The following NHSL2 variants were observed in gnomAD, a reference collection of about 807,000 sequenced individuals.
NHSL2 encodes NHS like 2, also known as NHS-like protein 2.
Under a neutral mutation model 53.4 loss-of-function variants are expected in NHSL2, and 27 were observed. The observed-to-expected ratio is 0.51, with a 90% CI of 0.37 to 0.70. The LOEUF (loss-of-function observed/expected upper bound fraction) is 0.70. NHSL2 is among the 30% of genes least tolerant of loss of function. The probability of loss-of-function intolerance (pLI) is 0.00; values close to 1 mark genes in which losing one functional copy is unlikely to be tolerated. For missense variants in NHSL2, 892 were observed against 980.1 expected (o/e 0.91, Z 1.20); for synonymous variants, 408 against 404.1 (o/e 1.01, Z -0.12).
chrX:72,139,634 G>A lies in NHSL2; in HGVS notation c.2086G>A (p.Ala696Thr). The change falls in exon 6 of 8, where the codon GCC becomes ACC. Residue 696 changes from alanine (A) to threonine (T), a missense_variant. Transcript: ENST00000633930. ...TPSQLSIEVE[A>T]REISSPGRPP... ...TTCCCAACTCTCCATTGAAGTGGAG[G>A]CCAGGGAGATATCATCCCCGGGAAG... 9.1e-6 allele frequency: 11 copies of A among 1,210,473 alleles called. No individual in the cohort carries two copies. The highest frequency in any genetic ancestry group is 1.1e-5 in the Non-Finnish European group (10 of 894,659).
chrX:71,947,794 A>G (rs2041800015), intron 1 of NHSL2, among the ~76,000 whole-genome samples: 1 of 112,211 alleles, frequency 8.9e-6, no homozygotes, highest in Non-Finnish European at 1.9e-5. Flanking sequence ...TAACTCAGGA[A>G]TGGAAAGCCA....
chrX:71,980,670 T>A (rs190986733), intron 1 of NHSL2, among the ~76,000 whole-genome samples: 1 of 110,094 alleles, frequency 9.1e-6, no homozygotes, highest in African/African-American at 3.3e-5. Context: ...TGAAGCCTAC[T>A]TGCAATCCAG....
intron 1 of NHSL2, chrX:72,130,574 G>A (rs756761561): frequency 2.5e-6 from 3 of 1,211,063 alleles, no homozygotes; most frequent in Admixed American, 4.4e-5. Context: ...ATGATATTTC[G>A]AACTCCAGGG....
At chrX:71,951,756 A>G (rs1276061505) in intron 1 of NHSL2, among the ~76,000 whole-genome samples, 1 of 112,134 alleles carries the variant, frequency 8.9e-6, no homozygotes, top group East Asian at 2.8e-4. Context: ...TTACTTAAAG[A>G]ATGCTTTGTT....
intron 1 of NHSL2, among the ~76,000 whole-genome samples, chrX:72,107,205 C>G (rs986380554): frequency 2.7e-5 from 3 of 110,389 alleles, no homozygotes; most frequent in Non-Finnish European, 5.7e-5. Flanking sequence ...GGGTGGATCA[C>G]GAGGTCAGGA....
At chrX:71,976,470 C>T in intron 1 of NHSL2, among the ~76,000 whole-genome samples, 1 of 111,968 alleles carries the variant, frequency 8.9e-6, no homozygotes, top group East Asian at 2.8e-4. Flanking sequence ...GCAAAGACCT[C>T]CAAAGGCTCC....
At chrX:72,052,287 C>T (rs1272529684) in intron 1 of NHSL2, among the ~76,000 whole-genome samples, 2 of 112,400 alleles carry the variant, frequency 1.8e-5, no homozygotes, top group Admixed American at 1.9e-4. Flanking sequence ...CGAGGCACAC[C>T]TGTCTGACTG....
intron 1 of NHSL2, among the ~76,000 whole-genome samples, chrX:72,093,728 TTCTTTC>T (rs2041918730): frequency 1.2e-5 from 1 of 80,815 alleles, no homozygotes; most frequent in Admixed American, 1.3e-4. Context: ...CTTGCTTTCT[TTCTTTC>T]TTTCTTTCTT....
At chrX:72,096,386 G>T (rs1014371103) in intron 1 of NHSL2, among the ~76,000 whole-genome samples, 4 of 111,982 alleles carry the variant, frequency 3.6e-5, no homozygotes, top group Non-Finnish European at 7.5e-5. Context: ...CCAATCCCAA[G>T]GCTGGTGAGG....
intron 1 of NHSL2, among the ~76,000 whole-genome samples, chrX:72,057,936 A>G (rs1236928251): frequency 8.9e-6 from 1 of 112,596 alleles, no homozygotes; most frequent in East Asian, 2.8e-4. Flanking sequence ...GCAGTAAGAA[A>G]TGGCAATTTT....
chrX:72,046,736 A>G (rs1215163141), intron 1 of NHSL2, among the ~76,000 whole-genome samples: 1 of 109,338 alleles, frequency 9.1e-6, no homozygotes, highest in Non-Finnish European at 1.9e-5. Context: ...CACCTTTGCC[A>G]TGTGTTTCTG....
intron 1 of NHSL2, among the ~76,000 whole-genome samples, chrX:72,004,905 C>T (rs770615518): frequency 2.7e-5 from 3 of 110,334 alleles, no homozygotes; most frequent in Non-Finnish European, 5.7e-5. Context: ...CAGCATTTAG[C>T]TTGTAAGCTC....
intron 1 of NHSL2, among the ~76,000 whole-genome samples, chrX:72,041,135 A>C (rs775047739): frequency 5.2e-4 from 58 of 112,033 alleles, no homozygotes; most frequent in Non-Finnish European, 6.6e-4. Context: ...GGTAGGCTGT[A>C]GGATGGCATT....
chrX:71,961,021 T>TTTCTGTTTA (rs2041865150), intron 1 of NHSL2, among the ~76,000 whole-genome samples: 1 of 112,474 alleles, frequency 8.9e-6, no homozygotes, highest in Admixed American at 9.4e-5. Context: ...TTAGACTGTA[T>TTTCTGTTTA]TTCTGTTTAT....
intron 6 of NHSL2, among the ~76,000 whole-genome samples, chrX:72,141,536 ACTC>A (rs999225319): frequency 5.5e-5 from 6 of 109,768 alleles, no homozygotes; most frequent in African/African-American, 2.0e-4. Context: ...GTAAACAACA[ACTC>A]CTCCTTCTCC....
chrX:72,128,734 A>C (rs1168561666), intron 1 of NHSL2: 1 of 112,877 alleles, frequency 8.9e-6, no homozygotes, highest in Non-Finnish European at 1.9e-5. Flanking sequence ...AGCTCAGAGC[A>C]GGCCATGGGC....
intron 1 of NHSL2, among the ~76,000 whole-genome samples, chrX:72,114,872 G>C (rs2042123213): frequency 8.9e-6 from 1 of 112,073 alleles, no homozygotes. Context: ...AGGGGAATTT[G>C]GGAAGAGGAA....
chrX:71,953,418 A>G (rs1199019009), intron 1 of NHSL2, among the ~76,000 whole-genome samples: 4 of 111,984 alleles, frequency 3.6e-5, no homozygotes, highest in Non-Finnish European at 5.6e-5. Context: ...GTGGTTTTCC[A>G]TTTACATCAA....
At chrX:71,942,972 C>CTCTCTG (rs1220648470) in intron 1 of NHSL2, among the ~76,000 whole-genome samples, 146 of 74,034 alleles carry the variant, frequency 2.0e-3, no homozygotes, top group African/African-American at 7.4e-3. Context: ...CTCTCTCTCT[C>CTCTCTG]TGTGTGTGTG....
Sources: gnomAD v4.1 joint callset for allele counts (sites outside exome capture counted in the v4.1 genomes callset) on GRCh38, gnomAD v4.1.1 for gene constraint, MANE v1.5 for transcripts, NCBI Gene and HGNC (gene_info 2026-07-23, HGNC 2026-07-21) for gene names.